Variants in ZSCAN5A observed in about 807,000 individuals in gnomAD.
ZSCAN5A encodes zinc finger and SCAN domain containing 5A.
In ZSCAN5A, 12 loss-of-function variants were observed where a neutral mutation model predicts 23.7. The ratio of observed to expected loss-of-function variants is 0.51; its 90% CI spans 0.32 to 0.82. ZSCAN5A has a LOEUF of 0.82. ZSCAN5A is among the 40% of genes least tolerant of loss of function. ZSCAN5A has a pLI of 0.03. For synonymous variants in ZSCAN5A, 257 were observed against 239.9 expected, an observed-to-expected ratio of 1.07 and a Z score of -0.66; for missense variants, 597 against 617.9, an observed-to-expected ratio of 0.97 and a Z score of 0.36.
At chr19:56,274,106 T>G (rs1013402608) in intron 2 of ZSCAN5A, among the ~76,000 whole-genome samples, 1 of 152,172 alleles carries the variant, frequency 6.6e-6, no homozygotes, top group Admixed American at 6.5e-5. Flanking sequence ...GCTCTCTTTA[T>G]ACATACATGT....
chr19:56,363,021 G>A (rs1472271108), intron 2 of ZSCAN5A, among the ~76,000 whole-genome samples: 1 of 152,070 alleles, frequency 6.6e-6, no homozygotes, highest in African/African-American at 2.4e-5. Flanking sequence ...CTTCATAAAA[G>A]CATTTTCTAA....
chr19:56,354,897 C>T (rs1296569300), intron 2 of ZSCAN5A, among the ~76,000 whole-genome samples: 1 of 152,212 alleles, frequency 6.6e-6, no homozygotes, highest in African/African-American at 2.4e-5. Context: ...TTCCAATCTA[C>T]TGTGTCATAT....
intron 2 of ZSCAN5A, among the ~76,000 whole-genome samples, chr19:56,233,413 C>T (rs993337332): frequency 1.3e-5 from 2 of 152,122 alleles, no homozygotes; most frequent in Non-Finnish European, 2.9e-5. Context: ...AATGAGAGGA[C>T]ATGCTTGGCA....
chr19:56,313,660 G>A (rs988155897), intron 1 of ZSCAN5A, among the ~76,000 whole-genome samples: 1 of 152,174 alleles, frequency 6.6e-6, no homozygotes, highest in Non-Finnish European at 1.5e-5. Context: ...ATCATTAGGA[G>A]GTTTCATACG....
At chr19:56,262,845 GATTT>G (rs1437562624) in intron 2 of ZSCAN5A, among the ~76,000 whole-genome samples, 2 of 151,996 alleles carry the variant, frequency 1.3e-5, no homozygotes, top group African/African-American at 2.4e-5. Context: ...TCCATTCCTT[GATTT>G]ATTTATCCAT....
chr19:56,318,665 G>A (rs2041342367), upstream of ZSCAN5A, among the ~76,000 whole-genome samples: 2 of 152,106 alleles, frequency 1.3e-5, no homozygotes, highest in Admixed American at 1.3e-4. Flanking sequence ...ATACATAAGA[G>A]AAAATAAAAT....
chr19:56,287,789 A>G (rs1388313479), intron 2 of ZSCAN5A, among the ~76,000 whole-genome samples: 1 of 152,200 alleles, frequency 6.6e-6, no homozygotes, highest in Non-Finnish European at 1.5e-5. Context: ...GGCCACTAAC[A>G]GTAGATTCAT....
At chr19:56,346,748 G>A (rs1297165231) in intron 2 of ZSCAN5A, among the ~76,000 whole-genome samples, 3 of 150,674 alleles carry the variant, frequency 2.0e-5, no homozygotes, top group Non-Finnish European at 2.9e-5. Flanking sequence ...TCGCTCTGTC[G>A]CCCAGGCTGG....
intron 2 of ZSCAN5A, among the ~76,000 whole-genome samples, chr19:56,253,090 G>A (rs913179912): frequency 6.6e-6 from 1 of 152,162 alleles, no homozygotes; most frequent in Non-Finnish European, 1.5e-5. Flanking sequence ...CTTAGAAGCT[G>A]GGAGGCAATT....
At chr19:56,254,588 A>G (rs1042314013) in intron 2 of ZSCAN5A, among the ~76,000 whole-genome samples, 1 of 151,970 alleles carries the variant, frequency 6.6e-6, no homozygotes, top group Non-Finnish European at 1.5e-5. Flanking sequence ...CCTGCTTCCA[A>G]TTTTTTAGGT....
chr19:56,274,239 A>C (rs948196733), intron 2 of ZSCAN5A, among the ~76,000 whole-genome samples: 1 of 152,158 alleles, frequency 6.6e-6, no homozygotes, highest in African/African-American at 2.4e-5. Flanking sequence ...GGATTATTTG[A>C]GGTCAGAAGC....
At chr19:56,302,506 C>CTG (rs2040330581) in intron 2 of ZSCAN5A, among the ~76,000 whole-genome samples, 1 of 53,328 alleles carries the variant, frequency 1.9e-5, no homozygotes, top group Non-Finnish European at 4.3e-5. Context: ...CCTCTCTGCC[C>CTG]TTCTTTCCTT....
At chr19:56,334,464 AT>A (rs2041516743) in intron 2 of ZSCAN5A, among the ~76,000 whole-genome samples, 3 of 152,014 alleles carry the variant, frequency 2.0e-5, no homozygotes, top group Admixed American at 2.0e-4. Flanking sequence ...ATTTATTTTT[AT>A]TTTTTATTTC....
chr19:56,250,404 T>C (rs1460755710), intron 2 of ZSCAN5A, among the ~76,000 whole-genome samples: 5 of 152,216 alleles, frequency 3.3e-5, no homozygotes, highest in African/African-American at 9.6e-5. Flanking sequence ...TCTCGCTTCA[T>C]TTACTGTAAC....
upstream of ZSCAN5A, chr19:56,315,823 G>A (rs2041299659): frequency 6.6e-6 from 1 of 152,220 alleles, no homozygotes; most frequent in African/African-American, 2.4e-5. Flanking sequence ...AAATTTAGGT[G>A]GTGGTTGTGA....
At chr19:56,324,626 T>C (rs1168745615) in intron 2 of ZSCAN5A, among the ~76,000 whole-genome samples, 1 of 142,976 alleles carries the variant, frequency 7.0e-6, no homozygotes. Flanking sequence ...GCATTCCCAC[T>C]GCTGTGTACA....
At chr19:56,310,783 G>A (rs1047218853) in intron 2 of ZSCAN5A, among the ~76,000 whole-genome samples, 1 of 152,216 alleles carries the variant, frequency 6.6e-6, no homozygotes, top group African/African-American at 2.4e-5. Context: ...TATTCTGGAG[G>A]AGGTTCCTTG....
chr19:56,284,052 C>A, intron 2 of ZSCAN5A: 1 of 351,670 alleles, frequency 2.8e-6, no homozygotes, highest in Non-Finnish European at 4.0e-6. Flanking sequence ...ATTCTACTTC[C>A]CAATCTGTTC....
intron 2 of ZSCAN5A, among the ~76,000 whole-genome samples, chr19:56,303,325 A>G (rs1405171960): frequency 1.3e-5 from 2 of 151,968 alleles, no homozygotes; most frequent in Non-Finnish European, 2.9e-5. Flanking sequence ...TAAAAATACA[A>G]AAAATAGCCG....
Sources: gnomAD v4.1 joint callset for allele counts (sites outside exome capture counted in the v4.1 genomes callset) on GRCh38, gnomAD v4.1.1 for gene constraint, MANE v1.5 for transcripts, NCBI Gene and HGNC (gene_info 2026-07-23, HGNC 2026-07-21) for gene names.